Variants in TRIM65 observed in about 807,000 individuals in gnomAD.
The protein encoded by TRIM65 is E3 ubiquitin-protein ligase TRIM65.
TRIM65 carries 46 observed loss-of-function variants against 36.1 expected under a neutral mutation model. The observed-to-expected ratio is 1.27, with a 90% CI of 1.01 to 1.63. The LOEUF (loss-of-function observed/expected upper bound fraction) is 1.63. Among genes scored for constraint, TRIM65 ranks in the 40% most tolerant of loss-of-function variants. TRIM65 has a pLI of 0.00. For missense variants in TRIM65, 708 were observed against 696.6 expected (o/e 1.02, Z -0.18); for synonymous variants, 346 against 313.6 (o/e 1.10, Z -1.09).
chr17:75,887,021 G>T (rs1382761001), downstream of TRIM65, among the ~76,000 whole-genome samples: 2 of 151,914 alleles, frequency 1.3e-5, no homozygotes, highest in African/African-American at 2.4e-5. Context: ...GCTGGGCGAG[G>T]TGGTATGCGA....
downstream of TRIM65, among the ~76,000 whole-genome samples, chr17:75,880,017 G>C (rs1358622685): frequency 6.6e-6 from 1 of 150,954 alleles, no homozygotes; most frequent in Non-Finnish European, 1.5e-5. Flanking sequence ...GCCTCCCAAA[G>C]TGCTGGGATT....
At position 75,892,428 on chromosome 17, in the gene TRIM65, G is replaced by C. The variant is rs1475338205; in HGVS notation, c.583C>G (p.His195Asp). The C allele has an allele frequency of 6.2e-7, 1 of 1,614,046 alleles. No homozygotes were observed. The highest frequency in any genetic ancestry group is 8.5e-7 in the Non-Finnish European group (1 of 1,180,020). ...TCGATGCTCCTCAGTGCTGTCGTGT[G>C]CTGTATTTCCAGGGCCTGTAGCAGG... ...SSLLQALEIQ[H>D]TTALRSIEVA... Residue 195 changes from histidine to aspartate, a missense_variant, in exon 3 of 6, where the codon CAC (histidine) becomes GAC (aspartate). Physicochemically the swap from His to Asp is moderately conservative, Grantham distance 81. Transcript: ENST00000269383.
rs2065255380 is a variant in TRIM65 at position 75,890,936 on chromosome 17, C to T, written c.1397G>A (p.Ser466Asn). 2 of 1,555,238 alleles carry T rather than the reference C, an allele frequency of 1.3e-6. No individual in the cohort carries two copies. Among genetic ancestry groups the T allele is most frequent in the East Asian group, 2.4e-5 (1 of 41,252 alleles). The stretch of plus-strand genomic sequence containing the variant: ...CAGGGGCTGGGTCTGGGGCTCCAGG[C>T]TGTAGAAGGTGAGGCAGCCTGAGGC... ...DLASGCLTFY[S>N]LEPQTQPLYT... The change falls in exon 6 of 6, where the codon AGC becomes AAC. Residue 466 changes from serine (S) to asparagine (N), a missense_variant. Coordinates refer to ENST00000269383, the MANE Select transcript of TRIM65 (RefSeq NM_173547.4).
At chr17:75,882,989 A>C (rs2065178107) in intron 4 of TRIM65, among the ~76,000 whole-genome samples, 1 of 149,586 alleles carries the variant, frequency 6.7e-6, no homozygotes, top group African/African-American at 2.5e-5. Context: ...GGAAAAAAAA[A>C]AAACAAAAAC....
In TRIM65 at chr17:75,889,427, C is replaced by T. The variant is rs1164939272; in HGVS notation, c.*1352G>A. Reference sequence around the variant, plus strand: ...TTCAAGTAAAAAAAATTACACCTGCCCTATGACCCAGCAACCCCACTTCCG... The same window carrying T: ...TTCAAGTAAAAAAAATTACACCTGCTCTATGACCCAGCAACCCCACTTCCG... On this transcript the variant is annotated 3_prime_UTR_variant, in exon 6 of 6. Transcript: ENST00000269383. The T allele has an allele frequency of 6.6e-6, 1 of 152,198 alleles. No individual in the cohort carries two copies. The highest frequency in any genetic ancestry group is 1.5e-5 in the Non-Finnish European group (1 of 68,062). 9.4% of individuals were successfully genotyped at this position (152,198 alleles called of 1,614,324 possible). A position where few individuals can be genotyped will look rare whatever the true frequency, so the allele number is the denominator to read the frequency against.
At chr17:75,893,392 C>A (rs1026856562) in intron 1 of TRIM65, among the ~76,000 whole-genome samples, 14 of 152,196 alleles carry the variant, frequency 9.2e-5, no homozygotes, top group African/African-American at 3.4e-4. Flanking sequence ...CTAGATTCTT[C>A]TGGGGATCCG....
rs1283934319 is a variant in TRIM65 at position 75,896,448 on chromosome 17, C to A, written c.414+76G>T. ...GCCGGGTGCCCGAGAGAGCAGGGCG[C>A]GGCCCGCAGGAGTCACCCGGCGGTG... On this transcript the variant is annotated intron_variant, in intron 1 of 5. Transcript: ENST00000269383. 4 of 1,263,092 alleles carry A rather than the reference C, an allele frequency of 3.2e-6. No homozygotes were observed. In the East Asian group the frequency reaches 1.3e-4, roughly 41 times the overall value. The allele number at this position is 1,263,092 out of a possible 1,614,324, so 78.2% of individuals were successfully genotyped here.
intron 1 of TRIM65, among the ~76,000 whole-genome samples, chr17:75,895,548 A>G (rs1252099778): frequency 6.6e-6 from 1 of 151,986 alleles, no homozygotes; most frequent in Non-Finnish European, 1.5e-5. Flanking sequence ...GTTCTTTCCC[A>G]TCCCAGAGAC....
intron 1 of TRIM65, among the ~76,000 whole-genome samples, 176 bp from the exon 2 acceptor site, chr17:75,893,026 C>A (rs555117447): frequency 1.3e-5 from 2 of 152,106 alleles, no homozygotes; most frequent in East Asian, 1.9e-4. Flanking sequence ...GGCCGTGCCC[C>A]GGGGGGGTCC....
rs1322914399 is a variant in TRIM65 at position 75,896,933 on chromosome 17, G to A, written c.5C>T (p.Ala2Val). The change falls in exon 1 of 6, where the codon GCC (alanine) becomes GTC (valine). Residue 2 changes from alanine (A) to valine (V), a missense_variant. Ala to Val is a moderately conservative substitution (Grantham distance 64, BLOSUM62 0). Transcript: ENST00000269383. ...CAGCTTCTCCTCCAGCAGCTGCGCG[G>A]CCATGGCCCGGCGGCGGCGAGAGCC... MAAQLLEEKLTC... is the reference protein window; with the variant it reads MVAQLLEEKLTC... 3.3e-6 allele frequency: 5 copies of A among 1,494,944 alleles called. No individual in the cohort carries two copies. The highest frequency in any genetic ancestry group is 4.4e-6 in the Non-Finnish European group (5 of 1,127,426). 92.6% of individuals were successfully genotyped at this position (1,494,944 alleles called of 1,614,324 possible). A position where few individuals can be genotyped will look rare whatever the true frequency, so the allele number is the denominator to read the frequency against.
intron 2 of TRIM65, 38 bp downstream of exon 2, chr17:75,892,717 G>A (rs766666697): frequency 6.3e-7 from 1 of 1,574,910 alleles, no homozygotes; most frequent in Non-Finnish European, 8.6e-7. Context: ...AGGATGCAGT[G>A]TGAGGCCATG....
intron 4 of TRIM65, among the ~76,000 whole-genome samples, chr17:75,882,622 T>C (rs1187343124): frequency 2.0e-5 from 3 of 150,660 alleles, no homozygotes; most frequent in South Asian, 2.1e-4. Context: ...ACTGGCACCA[T>C]GTGAGCTCAG....
At position 75,892,742 on chromosome 17, in the gene TRIM65, A is replaced by C. The variant is rs749120376; in HGVS notation, c.510+13T>G. The C allele has an allele frequency of 3.7e-5, 60 of 1,600,648 alleles. No individual in the cohort carries two copies. The Admixed American group carries it at 9.8e-4, about 26-fold the overall frequency. On this transcript the variant is annotated intron_variant, in intron 2 of 5. Coordinates refer to ENST00000269383, the MANE Select transcript of TRIM65 (RefSeq NM_173547.4). Reference sequence around the variant, plus strand: ...GTGAGGCCATGGTGGGCGGGCAGGCACAGGCCTCGTACCTGGATCTGGCTG... The same window carrying C: ...GTGAGGCCATGGTGGGCGGGCAGGCCCAGGCCTCGTACCTGGATCTGGCTG...
intron 1 of TRIM65, among the ~76,000 whole-genome samples, chr17:75,893,856 C>T (rs1290314328): frequency 6.6e-6 from 1 of 152,076 alleles, no homozygotes; most frequent in Admixed American, 6.5e-5. Context: ...TACTGGCTGC[C>T]CCTGTCGCTC....
Position 75,896,851 on chromosome 17 carries a change from G to T in TRIM65, c.87C>A (p.His29Gln). 1.3e-6 allele frequency: 2 copies of T among 1,530,618 alleles called. No individual in the cohort carries two copies. Among genetic ancestry groups the T allele is most frequent in the East Asian group, 2.5e-5 (1 of 39,304 alleles). 94.8% of individuals were successfully genotyped at this position (1,530,618 alleles called of 1,614,324 possible). A position where few individuals can be genotyped will look rare whatever the true frequency, so the allele number is the denominator to read the frequency against. The change falls in exon 1 of 6, where the codon CAC becomes CAA. Residue 29 changes from histidine (H) to glutamine (Q), a missense_variant. Coordinates refer to ENST00000269383, the MANE Select transcript of TRIM65 (RefSeq NM_173547.4). ...YQDPVTLPCG[H>Q]NFCGACIRDW... is the part of the protein sequence containing the mutation. The stretch of plus-strand genomic sequence containing the variant: ...CCCGGATGCAGGCCCCGCAGAAGTT[G>T]TGGCCGCAGGGCAGCGTCACTGGGT...
chr17:75,884,475 C>T (rs2065192131), downstream of TRIM65, among the ~76,000 whole-genome samples: 1 of 151,916 alleles, frequency 6.6e-6, no homozygotes, highest in African/African-American at 2.4e-5. Flanking sequence ...AAAAAGTAAA[C>T]AATTTAACAA....
chr17:75,892,014 CG>C lies in TRIM65; in HGVS notation c.915del (p.Val306TrpfsTer17), dbSNP rs140475639. On this transcript the variant is annotated frameshift_variant, in exon 4 of 6. Coordinates refer to ENST00000269383, the MANE Select transcript of TRIM65 (RefSeq NM_173547.4). LOFTEE classifies it high-confidence loss of function. ...GAPAKPVDLA[P>X]VEAPGPLAPV... Reference sequence around the variant, plus strand: ...GGAGGCCTGGGGTCAGTCTTACCCACGGGGGCTAAGTCCACAGGCTTGGCTG... The same window carrying C: ...GGAGGCCTGGGGTCAGTCTTACCCACGGGGCTAAGTCCACAGGCTTGGCTG... 1.2e-5 allele frequency: 18 copies of C among 1,552,190 alleles called. No individual in the cohort carries two copies. The East Asian group carries it at 3.4e-4, about 29-fold the overall frequency.
downstream of TRIM65, among the ~76,000 whole-genome samples, chr17:75,886,781 T>C (rs2065210970): frequency 6.6e-6 from 1 of 152,048 alleles, no homozygotes; most frequent in African/African-American, 2.4e-5. Flanking sequence ...AGGCCAGACA[T>C]GCTGGAAACA....
intron 4 of TRIM65, among the ~76,000 whole-genome samples, chr17:75,881,235 C>CAAAAAAAAAA (rs58718762): frequency 6.3e-5 from 7 of 110,250 alleles, no homozygotes; most frequent in Non-Finnish European, 7.6e-5. Flanking sequence ...GACTCCATCT[C>CAAAAAAAAAA]AAAAAAAAAA....
Sources: allele counts gnomAD v4.1 joint callset (sites outside exome capture counted in the v4.1 genomes callset), GRCh38; gene constraint gnomAD v4.1.1; transcripts MANE v1.5; gene names NCBI Gene and HGNC (gene_info 2026-07-23, HGNC 2026-07-21).